Variants in KCNIP4 observed in about 807,000 individuals in gnomAD.
The protein encoded by KCNIP4 is potassium voltage-gated channel interacting protein 4, also known as Kv channel-interacting protein 4.
Under a neutral mutation model 34.0 loss-of-function variants are expected in KCNIP4, and 12 were observed. The observed-to-expected ratio is 0.35, with a 90% CI of 0.23 to 0.57. The LOEUF is 0.57. Among genes scored for constraint, KCNIP4 ranks in the 20% least tolerant of loss-of-function variants. The pLI is 0.83. For synonymous variants in KCNIP4, 124 were observed against 102.2 expected (o/e 1.21, Z -1.29); for missense variants, 238 against 311.7 (o/e 0.76, Z 1.78).
At chr4:20,919,211 T>TA (rs1729138822) in intron 1 of KCNIP4, among the ~76,000 whole-genome samples, 2 of 152,238 alleles carry the variant, frequency 1.3e-5, no homozygotes, top group Middle Eastern at 3.4e-3. Context: ...AGTTTCAATC[T>TA]AGTAGACATT....
intron 1 of KCNIP4, among the ~76,000 whole-genome samples, chr4:21,060,149 T>C (rs1459862119): frequency 6.6e-6 from 1 of 152,156 alleles, no homozygotes. Flanking sequence ...TAGAGGTACC[T>C]GCTTAAACTT....
rs914213098 is a variant in KCNIP4 at position 21,380,071 on chromosome 4, G to A, written c.62-497362C>T. On this transcript the variant is annotated intron_variant, in intron 1 of 8. Transcript: ENST00000382152. ...TTGCTATTGGTGATTGACAGATATT[G>A]CTATTTTTTTCCATTTTATAGATGA... Among the ~76,000 whole-genome samples the A allele has an allele frequency of 2.6e-5, 4 of 151,874 alleles. No individual in the cohort carries two copies. The South Asian group carries it at 6.2e-4, about 24-fold the overall frequency.
intron 5 of KCNIP4, among the ~76,000 whole-genome samples, chr4:20,747,024 A>G (rs1437073970): frequency 6.6e-6 from 1 of 152,226 alleles, no homozygotes; most frequent in African/African-American, 2.4e-5. Flanking sequence ...TTCAAACTTT[A>G]TTAATTTAGC....
At chr4:21,173,880 C>T (rs899355735) in intron 1 of KCNIP4, among the ~76,000 whole-genome samples, 7 of 152,148 alleles carry the variant, frequency 4.6e-5, no homozygotes, top group African/African-American at 7.2e-5. Flanking sequence ...GAATACTTCT[C>T]GCCCAGCTGC....
At chr4:20,783,901 G>A (rs1711567845) in intron 3 of KCNIP4, among the ~76,000 whole-genome samples, 1 of 152,076 alleles carries the variant, frequency 6.6e-6, no homozygotes, top group Non-Finnish European at 1.5e-5. Flanking sequence ...TTTTTTGTTT[G>A]GTTGGTTGGT....
chr4:21,083,254 T>C (rs2109024735), intron 1 of KCNIP4, among the ~76,000 whole-genome samples: 2 of 151,904 alleles, frequency 1.3e-5, no homozygotes, highest in Non-Finnish European at 2.9e-5. Flanking sequence ...CTTCTCCCTC[T>C]CTCTCTTCCT....
intron 1 of KCNIP4, among the ~76,000 whole-genome samples, chr4:21,024,601 C>G (rs567584907): frequency 6.6e-6 from 1 of 152,062 alleles, no homozygotes; most frequent in Non-Finnish European, 1.5e-5. Flanking sequence ...ATGTTTGAAC[C>G]GTTTCTAAAA....
chr4:21,735,266 ATTGCTAAAT>A (rs1388841207), intron 1 of KCNIP4, among the ~76,000 whole-genome samples: 2 of 152,164 alleles, frequency 1.3e-5, no homozygotes, highest in African/African-American at 4.8e-5. Context: ...GTGAGAGCCA[ATTGCTAAAT>A]TTTCAGAAAT....
intron 1 of KCNIP4, among the ~76,000 whole-genome samples, chr4:21,126,210 T>C (rs752923578): frequency 5.9e-5 from 9 of 152,140 alleles, no homozygotes; most frequent in Non-Finnish European, 1.0e-4. Flanking sequence ...GTTATACAAA[T>C]TAAGATCAGT....
intron 1 of KCNIP4, chr4:21,316,397 C>A (rs1397500523): frequency 6.6e-6 from 1 of 152,072 alleles, no homozygotes; most frequent in African/African-American, 2.4e-5. Flanking sequence ...CTGGAGGGTA[C>A]AAGGAAGATT....
intron 1 of KCNIP4, among the ~76,000 whole-genome samples, chr4:21,875,616 C>T (rs1206468289): frequency 6.6e-6 from 1 of 152,048 alleles, no homozygotes; most frequent in Non-Finnish European, 1.5e-5. Context: ...TTATAGAAGC[C>T]TTCTTGTCAC....
chr4:21,431,524 G>A (rs1726446458), intron 1 of KCNIP4, among the ~76,000 whole-genome samples: 1 of 151,966 alleles, frequency 6.6e-6, no homozygotes, highest in African/African-American at 2.4e-5. Flanking sequence ...AGTCAATGAT[G>A]TTCAGACATT....
At chr4:21,228,946 A>T (rs990800704) in intron 1 of KCNIP4, among the ~76,000 whole-genome samples, 2 of 151,648 alleles carry the variant, frequency 1.3e-5, no homozygotes, top group Non-Finnish European at 2.9e-5. Context: ...ACTCTGTTAC[A>T]CTCCTGGAAT....
intron 3 of KCNIP4, among the ~76,000 whole-genome samples, chr4:20,770,845 G>T (rs1755807063): frequency 6.6e-6 from 1 of 152,158 alleles, no homozygotes; most frequent in Non-Finnish European, 1.5e-5. Context: ...TGAGACAGAA[G>T]AATTGCTTGA....
intron 1 of KCNIP4, among the ~76,000 whole-genome samples, chr4:21,513,012 C>T (rs1048270619): frequency 4.6e-5 from 7 of 152,096 alleles, no homozygotes; most frequent in African/African-American, 9.7e-5. Flanking sequence ...GTGGAGTAAG[C>T]GGAAGATAAA....
intron 1 of KCNIP4, among the ~76,000 whole-genome samples, chr4:20,938,197 T>C (rs1731270666): frequency 8.1e-6 from 1 of 122,876 alleles, no homozygotes; most frequent in South Asian, 2.3e-4. Flanking sequence ...GAAATTTTGC[T>C]AGTTTTTTTT....
Position 21,341,762 on chromosome 4 carries a change from G to A in KCNIP4, c.62-459053C>T, listed in dbSNP as rs529656463. On this transcript the variant is annotated intron_variant, in intron 1 of 8. Transcript: ENST00000382152. ...CTCAAGTCTTTGGCAAAGTTTTGGT[G>A]GGCTTGTTTACAAACTACAAATGCT... 2.0e-5 allele frequency among the ~76,000 whole-genome samples: 3 copies of A among 152,168 alleles called. No individual in the cohort carries two copies. In the East Asian group the frequency reaches 5.8e-4, roughly 30 times the overall value.
intron 1 of KCNIP4, among the ~76,000 whole-genome samples, chr4:21,033,333 G>T (rs1324918022): frequency 1.3e-5 from 2 of 152,028 alleles, no homozygotes; most frequent in African/African-American, 2.4e-5. Flanking sequence ...TTCTTCATAG[G>T]TTTTCCATTT....
intron 1 of KCNIP4, among the ~76,000 whole-genome samples, chr4:21,510,717 T>C (rs28708392): frequency 0.072 from 10,953 of 151,994 alleles, 1,201 homozygotes; most frequent in African/African-American, 0.24. Context: ...TTAAGTAAAC[T>C]AATAGATTTA....
Sources: gnomAD v4.1 joint callset for allele counts (sites outside exome capture counted in the v4.1 genomes callset) on GRCh38, gnomAD v4.1.1 for gene constraint, MANE v1.5 for transcripts, NCBI Gene and HGNC (gene_info 2026-07-23, HGNC 2026-07-21) for gene names.